The following RGPD2 variants were observed in gnomAD, a reference collection of about 807,000 sequenced individuals.
The protein encoded by RGPD2 is RANBP2 like and GRIP domain containing 2.
RGPD2 carries 2 observed loss-of-function variants against 36.0 expected under a neutral mutation model. That is an observed-to-expected ratio of 0.06 (90% CI 0.02 to 0.17). The LOEUF (loss-of-function observed/expected upper bound fraction) is 0.17. RGPD2 is among the 10% of genes least tolerant of loss of function. RGPD2 has a pLI of 1.00. For missense variants in RGPD2, 40 were observed against 464.3 expected (o/e 0.09, Z 8.40); for synonymous variants, 19 against 163.8 (o/e 0.12, Z 6.75).
At chr2:87,841,645 G>C in the RGPD2 span, among the ~76,000 whole-genome samples, 1 of 151,182 alleles carries the variant, frequency 6.6e-6, no homozygotes, top group African/African-American at 2.4e-5. Context: ...GAAGGAACTG[G>C]TACCATTCCT....
the RGPD2 span, among the ~76,000 whole-genome samples, chr2:87,974,695 TC>T: frequency 2.0e-5 from 3 of 152,180 alleles, no homozygotes; most frequent in Non-Finnish European, 4.4e-5. Flanking sequence ...ATGCCTTTGG[TC>T]AAGTCCTCAT....
the RGPD2 span, chr2:87,972,752 A>T: frequency 8.1e-6 from 13 of 1,611,092 alleles, no homozygotes; most frequent in Admixed American, 2.2e-4. Context: ...AGGAGTGAAC[A>T]ACCAGCCCTA....
the RGPD2 span, among the ~76,000 whole-genome samples, chr2:87,951,677 C>T: frequency 5.3e-5 from 8 of 150,320 alleles, no homozygotes; most frequent in East Asian, 5.9e-4. Context: ...CTGAAACCTC[C>T]GCCTCCAAGC....
At position 87,825,197 on chromosome 2, in the gene RGPD2, CCA is replaced by C. The variant is rs1358331313; in HGVS notation, c.72+459_72+460del. 9 of 394,092 alleles carry C rather than the reference CCA, an allele frequency of 2.3e-5. No individual in the cohort carries two copies. In the East Asian group the frequency reaches 3.3e-4, roughly 14 times the overall value. 24.4% of individuals were successfully genotyped at this position (394,092 alleles called of 1,614,324 possible). A position where few individuals can be genotyped will look rare whatever the true frequency, so the allele number is the denominator to read the frequency against. On this transcript the variant is annotated intron_variant, in intron 1 of 22. Transcript: ENST00000398146. ...ATTCTATTTCCCCCTCTATTGATCCCCACCTCCAAATACCTCATCAACAACCG... is the reference window on the plus strand; with the variant it reads ...ATTCTATTTCCCCCTCTATTGATCCCCCTCCAAATACCTCATCAACAACCG...
the RGPD2 span, among the ~76,000 whole-genome samples, chr2:87,921,552 A>G: frequency 2.0e-5 from 3 of 152,186 alleles, no homozygotes; most frequent in Admixed American, 2.0e-4. Flanking sequence ...TCTTTCCATA[A>G]TATCACATGG....
chr2:87,883,408 C>T, the RGPD2 span, among the ~76,000 whole-genome samples: 1 of 151,160 alleles, frequency 6.6e-6, no homozygotes, highest in Non-Finnish European at 1.5e-5. Flanking sequence ...AAAAAAAGGC[C>T]CTAATAAAAC....
the RGPD2 span, among the ~76,000 whole-genome samples, chr2:87,883,787 C>G: frequency 6.6e-6 from 1 of 152,176 alleles, no homozygotes; most frequent in African/African-American, 2.4e-5. Context: ...AATTGGAGTA[C>G]TTAAATACAA....
the RGPD2 span, among the ~76,000 whole-genome samples, chr2:87,928,940 A>T: frequency 6.6e-6 from 1 of 151,704 alleles, no homozygotes; most frequent in Admixed American, 6.6e-5. Context: ...TTATAGATTC[A>T]GGATATTAGA....
At chr2:87,825,403 A>G (rs1287121483) in intron 1 of RGPD2, among the ~76,000 whole-genome samples, 1 of 111,292 alleles carries the variant, frequency 9.0e-6, no homozygotes, top group African/African-American at 3.3e-5. Context: ...CCGCCCGGCC[A>G]GGCCGAGGCC....
chr2:87,985,212 G>GT, the RGPD2 span, among the ~76,000 whole-genome samples: 1 of 149,392 alleles, frequency 6.7e-6, no homozygotes, highest in Non-Finnish European at 1.5e-5. Flanking sequence ...AGAGTAGATG[G>GT]TATAAGTACA....
chr2:87,897,739 T>C, the RGPD2 span, among the ~76,000 whole-genome samples: 1 of 151,904 alleles, frequency 6.6e-6, no homozygotes, highest in Non-Finnish European at 1.5e-5. Flanking sequence ...GCTTTTCTGT[T>C]CCTGTGTTAG....
chr2:87,916,937 A>G, the RGPD2 span, among the ~76,000 whole-genome samples: 1 of 152,118 alleles, frequency 6.6e-6, no homozygotes, highest in Non-Finnish European at 1.5e-5. Flanking sequence ...CAGATGAACA[A>G]AGTAAGGAAG....
intron 22 of RGPD2, among the ~76,000 whole-genome samples, chr2:87,760,830 G>A (rs1335045460): frequency 1.5e-5 from 2 of 135,998 alleles, no homozygotes; most frequent in African/African-American, 5.4e-5. Context: ...TGTTAGCCAG[G>A]ATGGTCTCGA....
the RGPD2 span, among the ~76,000 whole-genome samples, chr2:87,880,909 G>A: frequency 5.3e-5 from 6 of 112,778 alleles, no homozygotes; most frequent in East Asian, 1.2e-3. Flanking sequence ...TCCAAGTTAC[G>A]ATGGGGTACA....
the RGPD2 span, among the ~76,000 whole-genome samples, chr2:87,884,717 A>G: frequency 9.9e-5 from 15 of 151,892 alleles, no homozygotes; most frequent in Admixed American, 9.2e-4. Context: ...TCCTAGAGGC[A>G]TATAACTTAC....
chr2:87,827,207 A>C (rs1377404707), upstream of RGPD2, among the ~76,000 whole-genome samples: 1 of 152,128 alleles, frequency 6.6e-6, no homozygotes, highest in Non-Finnish European at 1.5e-5. Context: ...TGTGTGTGAA[A>C]AAATGGATTT....
chr2:87,842,866 T>C, the RGPD2 span, among the ~76,000 whole-genome samples: 633 of 146,784 alleles, frequency 4.3e-3, 4 homozygotes, highest in African/African-American at 0.015. Context: ...AACAGAGATA[T>C]AGATCAATGG....
the RGPD2 span, among the ~76,000 whole-genome samples, chr2:87,873,027 G>A: frequency 1.3e-5 from 2 of 152,276 alleles, no homozygotes; most frequent in Non-Finnish European, 2.9e-5. Flanking sequence ...CAAAGTGCTA[G>A]GATTACAGGC....
At chr2:87,834,631 T>C in the RGPD2 span, among the ~76,000 whole-genome samples, 13 of 151,930 alleles carry the variant, frequency 8.6e-5, no homozygotes, top group African/African-American at 2.9e-4. Context: ...TTTAACAAAA[T>C]ACATGCAAAA....
Sources: gnomAD v4.1 joint callset for allele counts (sites outside exome capture counted in the v4.1 genomes callset) on GRCh38, gnomAD v4.1.1 for gene constraint, MANE v1.5 for transcripts, NCBI Gene and HGNC (gene_info 2026-07-23, HGNC 2026-07-21) for gene names.